JAK1: variants seen among roughly 807,000 people sequenced by gnomAD.
JAK1 encodes tyrosine-protein kinase JAK1.
Under a neutral mutation model 136.6 loss-of-function variants are expected in JAK1, and 16 were observed. That is an observed-to-expected ratio of 0.12 (90% confidence interval 0.08 to 0.18). JAK1 has a LOEUF of 0.18. JAK1 is among the 10% of genes least tolerant of loss of function. JAK1 has a pLI of 1.00. For missense variants in JAK1, 859 were observed against 1,450.1 expected, an observed-to-expected ratio of 0.59 and a Z score of 6.62; for synonymous variants, 492 against 519.5, an observed-to-expected ratio of 0.95 and a Z score of 0.72.
rs1015555785 is a variant in JAK1 at position 64,984,914 on chromosome 1, G to C, written c.-78+59566C>G. On this transcript the variant is annotated intron_variant, in intron 2 of 25. Transcript: ENST00000671954. This position sits in a 1 kb window ranked among gnomAD's most constrained non-coding sequence, Gnocchi z 4.1. ...CCATCACAGCTGGGCCAGGGCCCTGGCTGAAGAGTTCAGCCACAATAAACC... is the reference window on the plus strand; with the variant it reads ...CCATCACAGCTGGGCCAGGGCCCTGCCTGAAGAGTTCAGCCACAATAAACC... 2 of 1,176,588 alleles carry C rather than the reference G, an allele frequency of 1.7e-6. No homozygotes were observed. The highest frequency in any genetic ancestry group is 4.7e-5 in the East Asian group (2 of 42,610). 72.9% of individuals were successfully genotyped at this position (1,176,588 alleles called of 1,614,324 possible). A position where few individuals can be genotyped will look rare whatever the true frequency, so the allele number is the denominator to read the frequency against.
At chr1:64,970,817 T>C (rs189776336), upstream of JAK1, among the ~76,000 whole-genome samples, 452 of 149,884 alleles carry the variant, frequency 3.0e-3, 1 homozygote, top group South Asian at 5.7e-3. Context: ...AGAGACACAA[T>C]AGTGTAAAAC....
intron 2 of JAK1, among the ~76,000 whole-genome samples, chr1:65,005,569 A>T (rs1163245878): frequency 6.6e-6 from 1 of 152,212 alleles, no homozygotes; most frequent in African/African-American, 2.4e-5. Context: ...AACACAAATA[A>T]ATGATATACT....
At chr1:64,867,762 G>A (rs1021622860) in intron 6 of JAK1, among the ~76,000 whole-genome samples, 5 of 152,188 alleles carry the variant, frequency 3.3e-5, no homozygotes, top group Non-Finnish European at 7.3e-5. Flanking sequence ...AGGCCGAGGC[G>A]GGCGGATCAT....
At chr1:64,910,002 G>A (rs1317728957) in intron 1 of JAK1, among the ~76,000 whole-genome samples, 2 of 152,162 alleles carry the variant, frequency 1.3e-5, no homozygotes, top group African/African-American at 4.8e-5. Flanking sequence ...GTAGACCAGA[G>A]TATATTCTTT....
At chr1:64,994,823 A>G (rs1256192060) in intron 2 of JAK1, among the ~76,000 whole-genome samples, 1 of 152,150 alleles carries the variant, frequency 6.6e-6, no homozygotes, top group Non-Finnish European at 1.5e-5. Flanking sequence ...GGGCTTTGTG[A>G]CACTGGACAA....
chr1:64,944,920 A>G (rs893476076), intron 1 of JAK1, among the ~76,000 whole-genome samples: 2 of 152,166 alleles, frequency 1.3e-5, no homozygotes, highest in African/African-American at 2.4e-5. Context: ...GGGAGGCAGC[A>G]GCCAATACTG....
chr1:64,976,531 C>T (rs1646498858), intron 2 of JAK1, among the ~76,000 whole-genome samples: 1 of 152,160 alleles, frequency 6.6e-6, no homozygotes, highest in African/African-American at 2.4e-5. Flanking sequence ...GCCAGAGTCC[C>T]CATCATACAC....
intron 1 of JAK1, among the ~76,000 whole-genome samples, chr1:64,931,036 A>T (rs1302184657): frequency 1.3e-5 from 2 of 152,170 alleles, no homozygotes; most frequent in Admixed American, 6.5e-5. Flanking sequence ...ATTAGGAGAA[A>T]TACCTAATGT....
Position 64,869,360 on chromosome 1 carries a change from A to G in JAK1, c.598T>C (p.Tyr200His). The G allele has an allele frequency of 6.2e-7, 1 of 1,614,076 alleles. No individual in the cohort carries two copies. Among genetic ancestry groups the G allele is most frequent in the Non-Finnish European group, 8.5e-7 (1 of 1,179,984 alleles). ...AACTGCATCTTCTTCATCATGGCATAGTGTGAGATGGCCAGGACAGCCATC... is the reference window on the plus strand; with the variant it reads ...AACTGCATCTTCTTCATCATGGCATGGTGTGAGATGGCCAGGACAGCCATC... ...LGMAVLAISH[Y>H]AMMKKMQLPE... The change falls in exon 6 of 25, where the codon TAT (tyrosine) becomes CAT (histidine). Residue 200 changes from tyrosine (Y) to histidine (H), a missense_variant. Physicochemically the swap from Tyr to His is moderately conservative, Grantham distance 83. Coordinates refer to ENST00000342505, the MANE Select transcript of JAK1 (RefSeq NM_002227.4).
chr1:65,051,669 C>T (rs1434477871), intron 1 of JAK1, among the ~76,000 whole-genome samples: 1 of 152,152 alleles, frequency 6.6e-6, no homozygotes, highest in African/African-American at 2.4e-5. Context: ...AATTTTTCTG[C>T]AATTTCATTT....
chr1:64,842,085 T>C (rs969500257), intron 17 of JAK1, among the ~76,000 whole-genome samples: 1 of 152,204 alleles, frequency 6.6e-6, no homozygotes, highest in African/African-American at 2.4e-5. Flanking sequence ...AACTCTTACA[T>C]TAAATTTGTA....
chr1:64,889,260 G>C (rs769454780), intron 1 of JAK1, among the ~76,000 whole-genome samples: 2 of 145,978 alleles, frequency 1.4e-5, no homozygotes, highest in Non-Finnish European at 3.0e-5. Context: ...GATTCACCAG[G>C]AGCAATCACA....
intron 1 of JAK1, among the ~76,000 whole-genome samples, chr1:65,065,010 A>C (rs1647978054): frequency 6.6e-6 from 1 of 152,224 alleles, no homozygotes; most frequent in Non-Finnish European, 1.5e-5. Flanking sequence ...CCTCAAAGGA[A>C]CCAATTATGA....
intron 1 of JAK1, among the ~76,000 whole-genome samples, chr1:64,909,275 G>A (rs570769774): frequency 1.7e-4 from 26 of 152,254 alleles, no homozygotes; most frequent in Non-Finnish European, 2.1e-4. Context: ...AAGCTGGCAC[G>A]TGCACCCCAT....
At chr1:65,027,524 G>A (rs921784214) in intron 2 of JAK1, among the ~76,000 whole-genome samples, 4 of 152,132 alleles carry the variant, frequency 2.6e-5, no homozygotes, top group Non-Finnish European at 4.4e-5. Context: ...ACAGGCACCA[G>A]GATGGGTTTA....
intron 1 of JAK1, 89 bp from the exon 2 acceptor site, chr1:64,886,430 C>A: frequency 4.5e-6 from 3 of 660,724 alleles, no homozygotes; most frequent in South Asian, 3.1e-5. Context: ...GCAGCCCAAA[C>A]CATAAGCAGG....
rs1044643786 is a variant in JAK1, at chr1:64,904,744, T to TAC, written c.-77-18404_-77-18403insGT. Among the ~76,000 whole-genome samples, 8 of 111,118 alleles carry TAC rather than the reference T, an allele frequency of 7.2e-5. No individual in the cohort carries two copies. In the East Asian group the frequency reaches 9.1e-4, roughly 13 times the overall value. The allele number at this position is 111,118 out of a possible 152,430, so 72.9% of individuals were successfully genotyped here. A position where few individuals can be genotyped will look rare whatever the true frequency, so the allele number is the denominator to read the frequency against. On this transcript the variant is annotated intron_variant, in intron 1 of 24. Coordinates refer to ENST00000342505, the MANE Select transcript of JAK1 (RefSeq NM_002227.4). ...TATATTCACATTCCCCACACACATA[T>TAC]ATACACACACACACACCCTATAAAA...
chr1:64,997,673 T>G (rs1013953107), intron 2 of JAK1, among the ~76,000 whole-genome samples: 8 of 152,194 alleles, frequency 5.3e-5, no homozygotes, highest in Admixed American at 1.3e-4. Flanking sequence ...ATAATGGGTT[T>G]ATAATGGTTG....
chr1:64,894,158 C>G (rs1426256545), intron 1 of JAK1, among the ~76,000 whole-genome samples: 1 of 152,212 alleles, frequency 6.6e-6, no homozygotes, highest in Admixed American at 6.5e-5. Flanking sequence ...CACCGGTCAC[C>G]AGCCATCACC....
Sources: gnomAD v4.1 joint callset for allele counts (sites outside exome capture counted in the v4.1 genomes callset) on GRCh38, gnomAD v4.1.1 for gene constraint, Gnocchi (gnomAD v3.1) non-coding constraint, MANE v1.5 for transcripts, NCBI Gene and HGNC (gene_info 2026-07-23, HGNC 2026-07-21) for gene names.